Variants in MAGI2 observed in about 807,000 individuals in gnomAD.
MAGI2 encodes membrane associated guanylate kinase, WW and PDZ domain containing 2, also known as membrane-associated guanylate kinase, WW and PDZ domain-containing protein 2.
In MAGI2, 35 loss-of-function variants were observed where a neutral mutation model predicts 133.3. The ratio of observed to expected loss-of-function variants is 0.26; its 90% CI spans 0.20 to 0.35. The LOEUF (loss-of-function observed/expected upper bound fraction) is 0.35, where lower values mean the gene tolerates loss of function less well. Ranked by LOEUF, MAGI2 falls within the 10% of genes least tolerant of loss-of-function variation. MAGI2 has a pLI of 1.00. For synonymous variants in MAGI2, 729 were observed against 710.6 expected (o/e 1.03, Z -0.41); for missense variants, 1,636 against 1,863.4 (o/e 0.88, Z 2.25).
At chr7:78,124,861 CT>C (rs10707820) in intron 20 of MAGI2, among the ~76,000 whole-genome samples, 95,465 of 137,392 alleles carry the variant, frequency 0.69, 32,968 homozygotes, top group African/African-American at 0.79. Context: ...TAGCTGCTGT[CT>C]TTTTTTTTTT....
At chr7:78,212,016 A>G (rs17149959) in intron 10 of MAGI2, among the ~76,000 whole-genome samples, 10,728 of 152,246 alleles carry the variant, frequency 0.07, 717 homozygotes, top group African/African-American at 0.17. Context: ...TGATTATGCT[A>G]CCATTATTCT....
intron 6 of MAGI2, among the ~76,000 whole-genome samples, chr7:78,477,425 G>A (rs974440524): frequency 9.2e-5 from 14 of 152,004 alleles, no homozygotes; most frequent in South Asian, 6.2e-4. Context: ...AATTTTATTA[G>A]TCTGTTCTCA....
At chr7:79,211,423 C>A (rs939749492) in intron 1 of MAGI2, among the ~76,000 whole-genome samples, 6 of 151,750 alleles carry the variant, frequency 4.0e-5, no homozygotes, top group African/African-American at 7.3e-5. Flanking sequence ...GACTACAGTG[C>A]ACCACTATGT....
At chr7:79,305,788 G>T (rs1298609055) in intron 1 of MAGI2, among the ~76,000 whole-genome samples, 1 of 151,892 alleles carries the variant, frequency 6.6e-6, no homozygotes, top group Admixed American at 6.6e-5. Context: ...AGGCATGGTG[G>T]CACATGCCTA....
chr7:78,445,813 T>C (rs1788074709), intron 6 of MAGI2, among the ~76,000 whole-genome samples: 2 of 152,028 alleles, frequency 1.3e-5, no homozygotes, highest in Admixed American at 6.6e-5. Flanking sequence ...CTTGAAAACA[T>C]CAATTATACA....
chr7:79,365,430 T>A lies in MAGI2; in HGVS notation c.301+87590A>T, dbSNP rs1842634686. Among the ~76,000 whole-genome samples the A allele has an allele frequency of 3.3e-5, 5 of 152,170 alleles. No homozygotes were observed. The South Asian group carries it at 8.3e-4, about 25-fold the overall frequency. ...ACACAAAAAAACTGTAAATGCATAT[T>A]CATAGCACCTTTATTTGTAATATCC... On this transcript the variant is annotated intron_variant, in intron 1 of 21. Coordinates refer to ENST00000354212, the MANE Select transcript of MAGI2 (RefSeq NM_012301.4).
At chr7:78,467,673 T>C (rs1179324305) in intron 6 of MAGI2, among the ~76,000 whole-genome samples, 2 of 151,976 alleles carry the variant, frequency 1.3e-5, no homozygotes, top group African/African-American at 4.8e-5. Flanking sequence ...GGAAAAGTAC[T>C]AAGATAACTG....
intron 3 of MAGI2, among the ~76,000 whole-genome samples, chr7:78,608,060 C>T (rs1180904578): frequency 6.6e-6 from 1 of 152,186 alleles, no homozygotes; most frequent in African/African-American, 2.4e-5. Context: ...AATTAATTTC[C>T]TGTTTCAGCT....
chr7:79,079,302 A>G (rs969900095), intron 1 of MAGI2, among the ~76,000 whole-genome samples: 2 of 152,184 alleles, frequency 1.3e-5, no homozygotes, highest in Non-Finnish European at 2.9e-5. Flanking sequence ...TAACAATTCA[A>G]ATATTCATTG....
In MAGI2 at chr7:78,019,939, G is replaced by T; in HGVS notation, c.3744C>A (p.Ala1248=). Residue 1248 remains alanine, a synonymous_variant, in exon 22 of 22, where the codon GCC becomes GCA. Coordinates refer to ENST00000354212, the MANE Select transcript of MAGI2 (RefSeq NM_012301.4). The part of the protein sequence containing the change: ...PAPWSSPAAA[A]PGLPEVGVSL... ...AGACGCCTACTTCCGGCAGACCTGGGGCGGCGGCAGCGGGAGAACTCCAGG... is the reference window on the plus strand; with the variant it reads ...AGACGCCTACTTCCGGCAGACCTGGTGCGGCGGCAGCGGGAGAACTCCAGG... The T allele has an allele frequency of 6.2e-7, 1 of 1,609,134 alleles. No individual in the cohort carries two copies. Among genetic ancestry groups the T allele is most frequent in the Non-Finnish European group, 8.5e-7 (1 of 1,178,284 alleles).
intron 1 of MAGI2, among the ~76,000 whole-genome samples, chr7:79,295,438 C>T (rs1836855785): frequency 1.3e-5 from 2 of 152,100 alleles, no homozygotes; most frequent in South Asian, 2.1e-4. Context: ...ATAAATACAA[C>T]TTAGAGATTT....
intron 9 of MAGI2, among the ~76,000 whole-genome samples, chr7:78,293,269 G>C (rs1257674294): frequency 6.6e-6 from 1 of 152,120 alleles, no homozygotes; most frequent in Non-Finnish European, 1.5e-5. Flanking sequence ...CGAAAAGTAG[G>C]CAAAGGATGT....
chr7:78,479,179 C>T (rs1331120881), intron 6 of MAGI2, among the ~76,000 whole-genome samples: 1 of 151,982 alleles, frequency 6.6e-6, no homozygotes, highest in Non-Finnish European at 1.5e-5. Flanking sequence ...AATACAATTT[C>T]ACAGTGATTT....
intron 1 of MAGI2, among the ~76,000 whole-genome samples, chr7:79,091,677 G>A (rs1049553041): frequency 6.6e-6 from 1 of 151,754 alleles, no homozygotes; most frequent in Non-Finnish European, 1.5e-5. Flanking sequence ...GGGCTAAACA[G>A]TAAGTCCTTC....
At chr7:79,052,834 C>A (rs1251441508) in intron 1 of MAGI2, among the ~76,000 whole-genome samples, 2 of 151,988 alleles carry the variant, frequency 1.3e-5, no homozygotes, top group African/African-American at 2.4e-5. Flanking sequence ...CTAAGGGTAC[C>A]AAGTGACATT....
At chr7:78,412,812 A>T (rs544951947) in intron 6 of MAGI2, among the ~76,000 whole-genome samples, 1 of 152,170 alleles carries the variant, frequency 6.6e-6, no homozygotes, top group African/African-American at 2.4e-5. Flanking sequence ...GTTTTATAAG[A>T]CCTCCTATTT....
chr7:78,925,793 T>G (rs192031800), intron 2 of MAGI2, among the ~76,000 whole-genome samples: 56 of 152,164 alleles, frequency 3.7e-4, no homozygotes, highest in South Asian at 1.5e-3. Context: ...AATAAATTAG[T>G]AAATATTTTA....
rs530511383 is a variant in MAGI2 at position 78,989,524 on chromosome 7, T to C, written c.418+17566A>G. ...ATGTTACAGGCTGTGAATTTGAGATTGTTCTCAGGATTCTAGATTGAGAAT... is the reference window on the plus strand; with the variant it reads ...ATGTTACAGGCTGTGAATTTGAGATCGTTCTCAGGATTCTAGATTGAGAAT... On this transcript the variant is annotated intron_variant, in intron 2 of 21. Coordinates refer to ENST00000354212, the MANE Select transcript of MAGI2 (RefSeq NM_012301.4). Among the ~76,000 whole-genome samples the C allele has an allele frequency of 1.4e-4, 22 of 152,160 alleles. No individual in the cohort carries two copies. The South Asian group carries it at 4.6e-3, about 32-fold the overall frequency.
At chr7:78,576,929 T>C (rs1003152650) in intron 3 of MAGI2, among the ~76,000 whole-genome samples, 1 of 152,098 alleles carries the variant, frequency 6.6e-6, no homozygotes, top group African/African-American at 2.4e-5. Context: ...TTAAGCCCTG[T>C]CTCTACTAAA....
Sources: allele counts gnomAD v4.1 joint callset (sites outside exome capture counted in the v4.1 genomes callset), GRCh38; gene constraint gnomAD v4.1.1; transcripts MANE v1.5; gene names NCBI Gene and HGNC (gene_info 2026-07-23, HGNC 2026-07-21).